The following AGAP9 variants were observed in gnomAD, a reference collection of about 807,000 sequenced individuals.
The protein encoded by AGAP9 is ArfGAP with GTPase domain, ankyrin repeat and PH domain 9.
AGAP9 carries 23 observed loss-of-function variants against 55.6 expected under a neutral mutation model. The observed-to-expected ratio is 0.41, with a 90% CI of 0.30 to 0.59. The LOEUF (loss-of-function observed/expected upper bound fraction) is 0.59. Ranked by LOEUF, AGAP9 falls within the 20% of genes least tolerant of loss-of-function variation. The pLI, the probability that AGAP9 is intolerant of heterozygous loss-of-function variation, is 0.25. For missense variants in AGAP9, 309 were observed against 808.1 expected (o/e 0.38, Z 7.49); for synonymous variants, 120 against 305.0 (o/e 0.39, Z 6.32).
chr10:47,517,193 T>TAGACAGTG (rs1840733967), intron 4 of AGAP9, among the ~76,000 whole-genome samples: 1 of 95,606 alleles, frequency 1.0e-5, no homozygotes, highest in Non-Finnish European at 2.0e-5. Flanking sequence ...AGAAAGTCAA[T>TAGACAGTG]AGACAGTGCT....
In AGAP9 at chr10:47,506,489, C is replaced by T. The variant is rs1217981405; in HGVS notation, c.533+1059G>A. Among the ~76,000 whole-genome samples, 9 of 139,548 alleles carry T rather than the reference C, an allele frequency of 6.4e-5. 1 individual carries two copies. Among genetic ancestry groups the T allele is most frequent in the Admixed American group, 2.9e-4 (4 of 13,674 alleles). The allele number at this position is 139,548 out of a possible 152,430, so 91.5% of individuals were successfully genotyped here. A position where few individuals can be genotyped will look rare whatever the true frequency, so the allele number is the denominator to read the frequency against. On this transcript the variant is annotated intron_variant, in intron 6 of 7. Transcript: ENST00000452145. ...GGGACTACAGGCATGCACCACCACGCCCAGCCATTTTTTGTACTTTCAGTA... is the reference window on the plus strand; with the variant it reads ...GGGACTACAGGCATGCACCACCACGTCCAGCCATTTTTTGTACTTTCAGTA...
intron 4 of AGAP9, among the ~76,000 whole-genome samples, chr10:47,511,221 G>A (rs1176420236): frequency 7.1e-6 from 1 of 140,888 alleles, no homozygotes; most frequent in Non-Finnish European, 1.5e-5. Flanking sequence ...GGGATTACAG[G>A]CGTGAGCCAC....
chr10:47,502,416 A>T lies in AGAP9; in HGVS notation c.1713T>A (p.Tyr571Ter), dbSNP rs1232021688. The T allele has an allele frequency of 6.2e-7, 1 of 1,610,756 alleles. No homozygotes were observed. Among genetic ancestry groups the T allele is most frequent in the Non-Finnish European group, 8.5e-7 (1 of 1,179,762 alleles). The change falls in exon 8 of 8, where the codon TAT (tyrosine) becomes TAA (stop). Residue 571 changes from tyrosine (Y) to a stop codon, truncating the protein, a stop_gained. Coordinates refer to ENST00000452145, the MANE Select transcript of AGAP9 (RefSeq NM_001190810.1). LOFTEE classifies it high-confidence loss of function. ...EEKEWWIRSK[Y>*]EEKLFLAPLP... is the part of the protein sequence containing the mutation. ...GTGGGGCCAGAAAGAGCTTCTCCTC[A>T]TATTTGGAACGGATCCACCATTCCT...
intron 4 of AGAP9, among the ~76,000 whole-genome samples, chr10:47,515,497 A>G (rs1840700342): frequency 2.8e-5 from 1 of 36,076 alleles, no homozygotes; most frequent in Non-Finnish European, 5.0e-5. Context: ...GGTAAAATGT[A>G]AAAAAAAAAA....
rs1262111479 is a variant in AGAP9, at chr10:47,502,398, C to T, written c.1731G>A (p.Leu577=). 3.1e-6 allele frequency: 5 copies of T among 1,610,152 alleles called. No homozygotes were observed. The change falls in exon 8 of 8, where the codon CTG becomes CTA. Residue 577 remains leucine, a synonymous_variant. Coordinates refer to ENST00000452145, the MANE Select transcript of AGAP9 (RefSeq NM_001190810.1). The stretch of plus-strand genomic sequence containing the variant: ...ACAGCTCAGTGCAGGGTAGTGGGGC[C>T]AGAAAGAGCTTCTCCTCATATTTGG... ...IRSKYEEKLF[L]APLPCTELSL...
intron 5 of AGAP9, 144 bp downstream of exon 5, chr10:47,510,027 A>G: frequency 1.4e-6 from 2 of 1,446,698 alleles, no homozygotes; most frequent in Non-Finnish European, 1.8e-6. Flanking sequence ...ATTAAAAGAG[A>G]AACTGATACT....
chr10:47,519,092 G>C lies in AGAP9; in HGVS notation c.362-1235C>G, dbSNP rs1381028619. On this transcript the variant is annotated intron_variant, in intron 3 of 7. Transcript: ENST00000452145. ...AGACAGGGCCTAGTGGGAGGCATTT[G>C]GGTAATGGCAGTGGATTCCTTATGA... Among the ~76,000 whole-genome samples the C allele has an allele frequency of 2.9e-4, 40 of 137,228 alleles. 10 individuals are homozygous for C. In the East Asian group the frequency reaches 0.012, roughly 40 times the overall value. 90.0% of individuals were successfully genotyped at this position (137,228 alleles called of 152,430 possible). A position where few individuals can be genotyped will look rare whatever the true frequency, so the allele number is the denominator to read the frequency against.
rs1429582312 is a variant in AGAP9, at chr10:47,502,950, G to T, written c.1179C>A (p.Pro393=). The change falls in exon 8 of 8, where the codon CCC becomes CCA. Residue 393 remains proline (P), a synonymous_variant. Transcript: ENST00000452145. The stretch of plus-strand genomic sequence containing the variant: ...GTTTCTTTTTATTGGCATGAGGAGA[G>T]GGGGGCGGGTTGAGCTTGGGGCTGG... ...STTSPKLNPP[P]SPHANKKKHL... The T allele has an allele frequency of 7.1e-5, 114 of 1,595,052 alleles. 3 individuals carry two copies. Among genetic ancestry groups the T allele is most frequent in the Non-Finnish European group, 8.6e-5 (101 of 1,173,838 alleles).
intron 4 of AGAP9, among the ~76,000 whole-genome samples, chr10:47,515,831 GT>G (rs1840706587): frequency 8.4e-6 from 1 of 118,698 alleles, no homozygotes; most frequent in Non-Finnish European, 1.7e-5. Flanking sequence ...TGAAAAGCTA[GT>G]CAGGCTTCTA....
chr10:47,514,017 A>G (rs1840681212), intron 4 of AGAP9, among the ~76,000 whole-genome samples: 1 of 141,054 alleles, frequency 7.1e-6, no homozygotes, highest in Non-Finnish European at 1.5e-5. Context: ...CAAATGCAAC[A>G]GAAACAAATA....
Position 47,507,490 on chromosome 10 carries a change from C to A in AGAP9, c.533+58G>T. On this transcript the variant is annotated intron_variant, in intron 6 of 7. Coordinates refer to ENST00000452145, the MANE Select transcript of AGAP9 (RefSeq NM_001190810.1). ...TCTAGAGCTGTGACCTAACACTGAGCTTGATATCTTGCAAAGTAATTAGCT... is the reference window on the plus strand; with the variant it reads ...TCTAGAGCTGTGACCTAACACTGAGATTGATATCTTGCAAAGTAATTAGCT... 2 of 1,491,610 alleles carry A rather than the reference C, an allele frequency of 1.3e-6. 1 individual carries two copies. The allele number at this position is 1,491,610 out of a possible 1,614,324, so 92.4% of individuals were successfully genotyped here.
Position 47,513,567 on chromosome 10 carries a change from C to T in AGAP9, c.397-3296G>A, listed in dbSNP as rs1244580016. 2.1e-4 allele frequency among the ~76,000 whole-genome samples: 29 copies of T among 140,932 alleles called. 3 individuals are homozygous for T. Among genetic ancestry groups the T allele is most frequent in the Admixed American group, 8.0e-4 (11 of 13,746 alleles). 92.5% of individuals were successfully genotyped at this position (140,932 alleles called of 152,430 possible). A position where few individuals can be genotyped will look rare whatever the true frequency, so the allele number is the denominator to read the frequency against. On this transcript the variant is annotated intron_variant, in intron 4 of 7. Transcript: ENST00000452145. Reference sequence around the variant, plus strand: ...AAATTTATATGGACCAAACAAGAACCGGCACAGCCAAAACAAAACTAAGCA... The same window carrying T: ...AAATTTATATGGACCAAACAAGAACTGGCACAGCCAAAACAAAACTAAGCA...
chr10:47,521,840 G>A (rs1317377898), intron 2 of AGAP9, among the ~76,000 whole-genome samples: 1 of 150,756 alleles, frequency 6.6e-6, no homozygotes, highest in Non-Finnish European at 1.5e-5. Flanking sequence ...GAGTGCATTG[G>A]CGTGATCTCT....
chr10:47,515,746 T>C lies in AGAP9; in HGVS notation c.396+2077A>G, dbSNP rs1484831025. ...CTGCTTTTACTTTCCAGGCAGAAAA[T>C]TGGGAGATCCTTCTCAGAAGAAACT... On this transcript the variant is annotated intron_variant, in intron 4 of 7. Transcript: ENST00000452145. Among the ~76,000 whole-genome samples the C allele has an allele frequency of 9.3e-5, 13 of 140,304 alleles. 1 individual carries two copies. Among genetic ancestry groups the C allele is most frequent in the South Asian group, 6.8e-4 (3 of 4,382 alleles). 92.0% of individuals were successfully genotyped at this position (140,304 alleles called of 152,430 possible).
Position 47,506,635 on chromosome 10 carries a change from A to AT in AGAP9, c.533+912dup, listed in dbSNP as rs1446665324. The stretch of plus-strand genomic sequence containing the variant: ...GTGAACCACTGCGCCCCACCAGCTT[A>AT]TTGCTTTTTTTGTTTGTTTGTTTAG... On this transcript the variant is annotated intron_variant, in intron 6 of 7. Coordinates refer to ENST00000452145, the MANE Select transcript of AGAP9 (RefSeq NM_001190810.1). Among the ~76,000 whole-genome samples, 5 of 138,624 alleles carry AT rather than the reference A, an allele frequency of 3.6e-5. 1 individual carries two copies. Among genetic ancestry groups the AT allele is most frequent in the Non-Finnish European group, 7.8e-5 (5 of 64,090 alleles). The allele number at this position is 138,624 out of a possible 152,430, so 90.9% of individuals were successfully genotyped here. A position where few individuals can be genotyped will look rare whatever the true frequency, so the allele number is the denominator to read the frequency against.
Position 47,510,306 on chromosome 10 carries a change from A to C in AGAP9, c.397-35T>G. ...AAGGGAAGTGTAAGTCAAACTTATC[A>C]AAGTGTATTTTTTTCTCAGTTAAAA... On this transcript the variant is annotated intron_variant, in intron 4 of 7. Coordinates refer to ENST00000452145, the MANE Select transcript of AGAP9 (RefSeq NM_001190810.1). 3 of 1,076,638 alleles carry C rather than the reference A, an allele frequency of 2.8e-6. 1 individual carries two copies. The South Asian group carries it at 4.9e-5, about 18-fold the overall frequency. 66.7% of individuals were successfully genotyped at this position (1,076,638 alleles called of 1,614,324 possible). A position where few individuals can be genotyped will look rare whatever the true frequency, so the allele number is the denominator to read the frequency against.
chr10:47,507,617 G>T, intron 5 of AGAP9, 34 bp from the exon 6 acceptor site: 7 of 1,529,458 alleles, frequency 4.6e-6, no homozygotes, highest in Non-Finnish European at 6.1e-6. Flanking sequence ...AACAATAGAT[G>T]TTATCATTTG....
At chr10:47,506,475 C>G (rs1454346043) in intron 6 of AGAP9, among the ~76,000 whole-genome samples, 1 of 137,450 alleles carries the variant, frequency 7.3e-6, no homozygotes, top group Non-Finnish European at 1.5e-5. Flanking sequence ...GGACTACAGG[C>G]ATGCACCACC....
intron 4 of AGAP9, among the ~76,000 whole-genome samples, chr10:47,516,631 A>G (rs1490494362): frequency 3.6e-5 from 5 of 138,290 alleles, no homozygotes; most frequent in African/African-American, 1.4e-4. Flanking sequence ...AGCCCAGAAA[A>G]GCAGACATTG....
Sources: allele counts gnomAD v4.1 joint callset (sites outside exome capture counted in the v4.1 genomes callset), GRCh38; gene constraint gnomAD v4.1.1; transcripts MANE v1.5; gene names NCBI Gene and HGNC (gene_info 2026-07-23, HGNC 2026-07-21).